EIF4E3: variants seen among roughly 807,000 people sequenced by gnomAD.
EIF4E3 encodes the protein eukaryotic translation initiation factor 4E family member 3.
EIF4E3 carries 26 observed loss-of-function variants against 31.7 expected under a neutral mutation model. The observed-to-expected ratio is 0.82, with a 90% CI of 0.60 to 1.14. The LOEUF is 1.14. EIF4E3 is among the 50% of genes most tolerant of loss of function. The pLI is 0.00. For missense variants in EIF4E3, 304 were observed against 270.9 expected, an observed-to-expected ratio of 1.12 and a Z score of -0.86; for synonymous variants, 128 against 107.7, an observed-to-expected ratio of 1.19 and a Z score of -1.17.
chr3:71,690,435 C>A (rs2049049677), intron 5 of EIF4E3, among the ~76,000 whole-genome samples: 1 of 152,146 alleles, frequency 6.6e-6, no homozygotes, highest in Admixed American at 6.5e-5. Flanking sequence ...AGTAATTTAC[C>A]CTTTTTAACA....
At chr3:71,743,600 G>T (rs1416162989) in intron 1 of EIF4E3, among the ~76,000 whole-genome samples, 1 of 152,050 alleles carries the variant, frequency 6.6e-6, no homozygotes, top group Non-Finnish European at 1.5e-5. Flanking sequence ...CTTTATCATA[G>T]AATTAGATAA....
At chr3:71,712,635 T>TCG (rs1553664389) in intron 1 of EIF4E3, among the ~76,000 whole-genome samples, 1 of 59,328 alleles carries the variant, frequency 1.7e-5, no homozygotes, top group Non-Finnish European at 3.3e-5. Flanking sequence ...TTGCGGGGGG[T>TCG]GGGCGGGGGA....
intron 1 of EIF4E3, among the ~76,000 whole-genome samples, chr3:71,717,922 A>G (rs997046632): frequency 2.6e-5 from 4 of 152,248 alleles, no homozygotes; most frequent in African/African-American, 9.6e-5. Context: ...TAAAGTGGGA[A>G]AAGATGTCTG....
rs1250528016 is a variant in EIF4E3, at chr3:71,675,763, C to A, written c.*8919G>T. ...TTTTCTTAAAGCTGTAAAACCTTTTCTTTGTAAACAAACTCTCATAAGGAA... is the reference window on the plus strand; with the variant it reads ...TTTTCTTAAAGCTGTAAAACCTTTTATTTGTAAACAAACTCTCATAAGGAA... On this transcript the variant is annotated 3_prime_UTR_variant, in exon 7 of 7. Transcript: ENST00000425534. 6.6e-6 allele frequency: 1 copy of A among 152,182 alleles called. No individual in the cohort carries two copies. The highest frequency in any genetic ancestry group is 1.5e-5 in the Non-Finnish European group (1 of 68,028). The allele number at this position is 152,182 out of a possible 1,614,324, so 9.4% of individuals were successfully genotyped here. A position where few individuals can be genotyped will look rare whatever the true frequency, so the allele number is the denominator to read the frequency against.
intron 6 of EIF4E3, among the ~76,000 whole-genome samples, chr3:71,687,745 C>A (rs73837552): frequency 0.014 from 2,141 of 152,288 alleles, 47 homozygotes; most frequent in African/African-American, 0.049. Flanking sequence ...CCCATCTACC[C>A]GCTAGAGGCC....
At position 71,680,116 on chromosome 3, in the gene EIF4E3, C is replaced by T. The variant is rs986812415; in HGVS notation, c.*4566G>A. 5 of 152,138 alleles carry T rather than the reference C, an allele frequency of 3.3e-5. No homozygotes were observed. Among genetic ancestry groups the T allele is most frequent in the Non-Finnish European group, 7.4e-5 (5 of 68,022 alleles). 9.4% of individuals were successfully genotyped at this position (152,138 alleles called of 1,614,324 possible). ...ATTCACGAGCATCATCTACTCAAGT[C>T]TCAGTATTAATGGTTTTCTCCAGCC... On this transcript the variant is annotated 3_prime_UTR_variant, in exon 7 of 7. Coordinates refer to ENST00000425534, the MANE Select transcript of EIF4E3 (RefSeq NM_001134651.2).
intron 1 of EIF4E3, among the ~76,000 whole-genome samples, chr3:71,724,369 C>T (rs2049595858): frequency 6.6e-6 from 1 of 152,136 alleles, no homozygotes; most frequent in African/African-American, 2.4e-5. Context: ...GGGAGACAGA[C>T]TGAAAGTAAA....
chr3:71,713,636 T>C (rs1367418657), intron 1 of EIF4E3, among the ~76,000 whole-genome samples: 1 of 152,052 alleles, frequency 6.6e-6, no homozygotes, highest in African/African-American at 2.4e-5. Flanking sequence ...AGGGTCTTAC[T>C]ATGTTGCCCA....
chr3:71,669,190 G>A, the EIF4E3 span, among the ~76,000 whole-genome samples: 1 of 138,316 alleles, frequency 7.2e-6, no homozygotes, highest in Admixed American at 8.2e-5. Context: ...AGTGGGAGTT[G>A]AACAGTGAGA....
At chr3:71,704,239 T>C (rs917859237) in intron 2 of EIF4E3, among the ~76,000 whole-genome samples, 1 of 152,194 alleles carries the variant, frequency 6.6e-6, no homozygotes, top group Non-Finnish European at 1.5e-5. Context: ...AAACCAACTC[T>C]GAGTTGGGGA....
intron 5 of EIF4E3, among the ~76,000 whole-genome samples, chr3:71,692,598 C>CTT (rs749669628): frequency 4.1e-5 from 4 of 96,402 alleles, no homozygotes; most frequent in South Asian, 4.2e-4. Context: ...CCCAGGTCTT[C>CTT]TTTTTTTTTT....
At chr3:71,699,550 C>T in intron 3 of EIF4E3, 64 bp downstream of exon 3, 2 of 1,403,642 alleles carry the variant, frequency 1.4e-6, no homozygotes, top group South Asian at 2.3e-5. Flanking sequence ...GTGATATGAT[C>T]TTTTATGAGG....
the EIF4E3 span, among the ~76,000 whole-genome samples, chr3:71,667,929 A>G: frequency 9.8e-5 from 15 of 152,378 alleles, no homozygotes; most frequent in East Asian, 1.3e-3. Flanking sequence ...GAACCAAAAA[A>G]GAGCCTGTAT....
Position 71,678,945 on chromosome 3 carries a change from T to C in EIF4E3, c.*5737A>G, listed in dbSNP as rs1056409480. The C allele has an allele frequency of 2.6e-5, 4 of 152,238 alleles. No individual in the cohort carries two copies. Among genetic ancestry groups the C allele is most frequent in the Admixed American group, 1.3e-4 (2 of 15,284 alleles). The allele number at this position is 152,238 out of a possible 1,614,324, so 9.4% of individuals were successfully genotyped here. A position where few individuals can be genotyped will look rare whatever the true frequency, so the allele number is the denominator to read the frequency against. On this transcript the variant is annotated 3_prime_UTR_variant, in exon 7 of 7. Transcript: ENST00000425534. ...TTGAAATAAATTCTCCATGAGAATA[T>C]ATTCAAAGTCATGGTGACTTGTTTT...
intron 1 of EIF4E3, among the ~76,000 whole-genome samples, chr3:71,722,064 T>TG (rs34778241): frequency 0.65 from 92,625 of 142,158 alleles, 29,756 homozygotes; most frequent in African/African-American, 0.68. Context: ...CAAAGCTTTA[T>TG]GGTTCCTGTA....
intron 1 of EIF4E3, among the ~76,000 whole-genome samples, chr3:71,741,194 G>GCGCACACACACA (rs1553669128): frequency 1.7e-4 from 25 of 149,320 alleles, no homozygotes; most frequent in African/African-American, 5.9e-4. Context: ...ACATGCACGC[G>GCGCACACACACA]CACACACACA....
At chr3:71,673,851 T>C (rs2048858334), downstream of EIF4E3, among the ~76,000 whole-genome samples, 1 of 150,144 alleles carries the variant, frequency 6.7e-6, no homozygotes, top group African/African-American at 2.4e-5. Flanking sequence ...ATCTCAGCAA[T>C]ACTAAGGCCT....
At chr3:71,686,532 A>G (rs1331087283) in intron 6 of EIF4E3, among the ~76,000 whole-genome samples, 1 of 133,946 alleles carries the variant, frequency 7.5e-6, no homozygotes, top group Non-Finnish European at 1.7e-5. Flanking sequence ...CTTTGCAAAT[A>G]TTTCACATTG....
intron 2 of EIF4E3, among the ~76,000 whole-genome samples, chr3:71,705,503 T>C (rs1172096792): frequency 6.6e-6 from 1 of 152,224 alleles, no homozygotes; most frequent in African/African-American, 2.4e-5. Context: ...AGAGGAAATA[T>C]GGTTTCTGTT....
Sources: gnomAD v4.1 joint callset for allele counts (sites outside exome capture counted in the v4.1 genomes callset) on GRCh38, gnomAD v4.1.1 for gene constraint, MANE v1.5 for transcripts, NCBI Gene and HGNC (gene_info 2026-07-23, HGNC 2026-07-21) for gene names.